Variants in SPIRE1 observed in about 807,000 individuals in gnomAD.
The protein encoded by SPIRE1 is spire type actin nucleation factor 1.
A neutral mutation model predicts 94.1 loss-of-function variants in SPIRE1; 40 were observed. The ratio of observed to expected loss-of-function variants is 0.43; its 90% CI spans 0.33 to 0.55. The LOEUF (loss-of-function observed/expected upper bound fraction) is 0.55. Ranked by LOEUF, SPIRE1 falls within the 20% of genes least tolerant of loss-of-function variation. The pLI, the probability that SPIRE1 is intolerant of heterozygous loss-of-function variation, is 0.06. For synonymous variants in SPIRE1, 376 were observed against 371.7 expected (o/e 1.01, Z -0.13); for missense variants, 838 against 975.2 (o/e 0.86, Z 1.87).
chr18:12,463,254 G>T, intron 12 of SPIRE1, 97 bp downstream of exon 12: 1 of 1,259,240 alleles, frequency 7.9e-7, no homozygotes, highest in Non-Finnish European at 1.1e-6. Flanking sequence ...TCTAACTTTT[G>T]CAAGTTTTTT....
chr18:12,559,187 G>GTGGGC lies in SPIRE1; in HGVS notation c.373-12284_373-12283insGCCCA, dbSNP rs2035611959. On this transcript the variant is annotated intron_variant, in intron 2 of 16. Transcript: ENST00000409402. The surrounding 1 kb of genome is among the most constrained non-coding windows in gnomAD (Gnocchi z 4.7). ...TTAGGAGCCCACGGGGTGGGGTGGG[G>GTGGGC]TGGGGGGGCGCCGGCATGGCAGGCT... 6.0e-5 allele frequency among the ~76,000 whole-genome samples: 9 copies of GTGGGC among 150,888 alleles called. No homozygotes were observed. The highest frequency in any genetic ancestry group is 5.9e-4 in the Admixed American group (9 of 15,218).
At position 12,526,056 on chromosome 18, in the gene SPIRE1, TAC is replaced by T. The variant is rs56263373; in HGVS notation, c.729+9418_729+9419del. ...CAGTCTAGGGTCAGAATACTGAAGA[TAC>T]ACACACACACACACACACACACACA... is the stretch of plus-strand genomic sequence containing the variant. On this transcript the variant is annotated intron_variant, in intron 4 of 16. Transcript: ENST00000409402. Among the ~76,000 whole-genome samples, 570 of 122,676 alleles carry T rather than the reference TAC, an allele frequency of 4.6e-3. 8 individuals carry two copies. Among genetic ancestry groups the T allele is most frequent in the African/African-American group, 9.4e-3 (291 of 30,994 alleles). 80.5% of individuals were successfully genotyped at this position (122,676 alleles called of 152,430 possible).
At chr18:12,466,328 G>C (rs12953774) in intron 10 of SPIRE1, among the ~76,000 whole-genome samples, 1 of 152,036 alleles carries the variant, frequency 6.6e-6, no homozygotes, top group Non-Finnish European at 1.5e-5. Flanking sequence ...CCAGGCTGGA[G>C]TGCAGTGGCA....
At chr18:12,487,951 T>A (rs1476642712) in intron 8 of SPIRE1, among the ~76,000 whole-genome samples, 1 of 152,148 alleles carries the variant, frequency 6.6e-6, no homozygotes, top group Admixed American at 6.5e-5. Context: ...AGAGAAAACA[T>A]CTTTCCTGTG....
chr18:12,451,533 A>G (rs1445836820), intron 16 of SPIRE1, among the ~76,000 whole-genome samples: 1 of 152,190 alleles, frequency 6.6e-6, no homozygotes, highest in Admixed American at 6.5e-5. Flanking sequence ...CTCACTGAAA[A>G]TTCACACCCA....
rs1236309099 is a variant in SPIRE1 at position 12,657,924 on chromosome 18, C to T, written c.-58G>A. 6 of 1,020,674 alleles carry T rather than the reference C, an allele frequency of 5.9e-6. 1 individual carries two copies. The highest frequency in any genetic ancestry group is 4.7e-4 in the Middle Eastern group (1 of 2,110). 63.2% of individuals were successfully genotyped at this position (1,020,674 alleles called of 1,614,324 possible). On this transcript the variant is annotated 5_prime_UTR_variant, in exon 1 of 17. Coordinates refer to ENST00000409402, the MANE Select transcript of SPIRE1 (RefSeq NM_001128626.2). The stretch of plus-strand genomic sequence containing the variant: ...CCGTGTGCCGGCGTCTCCTCAGCTC[C>T]GGAGCATCGTCGTCGCGCGCCGCCG...
At chr18:12,576,838 G>A (rs567552683) in intron 2 of SPIRE1, among the ~76,000 whole-genome samples, 24 of 145,364 alleles carry the variant, frequency 1.7e-4, no homozygotes, top group South Asian at 2.2e-4. Context: ...GCAGTGAGCC[G>A]AGATTGCGCC....
chr18:12,541,198 C>G (rs532354014), intron 3 of SPIRE1, among the ~76,000 whole-genome samples: 9 of 152,268 alleles, frequency 5.9e-5, no homozygotes, highest in Middle Eastern at 3.4e-3. Flanking sequence ...ACCATGGTAA[C>G]AGAACATTTC....
At chr18:12,523,265 T>C (rs2034414480) in intron 4 of SPIRE1, among the ~76,000 whole-genome samples, 1 of 152,232 alleles carries the variant, frequency 6.6e-6, no homozygotes, top group Non-Finnish European at 1.5e-5. Flanking sequence ...CCTGAATTAC[T>C]GCAATCTCAT....
At position 12,612,055 on chromosome 18, in the gene SPIRE1, C is replaced by T. The variant is rs528556635; in HGVS notation, c.372+23007G>A. ...TCAGTAACTTTTATTTATTCACTAT[C>T]TCTGATTTCTCTCCTCTCTTCTCTT... is the stretch of plus-strand genomic sequence containing the variant. On this transcript the variant is annotated intron_variant, in intron 2 of 16. Transcript: ENST00000409402. 3.9e-5 allele frequency among the ~76,000 whole-genome samples: 6 copies of T among 152,052 alleles called. No homozygotes were observed. In the South Asian group the frequency reaches 1.2e-3, roughly 32 times the overall value.
At chr18:12,451,816 A>T (rs897385960) in intron 16 of SPIRE1, among the ~76,000 whole-genome samples, 13 of 152,264 alleles carry the variant, frequency 8.5e-5, no homozygotes, top group African/African-American at 2.9e-4. Flanking sequence ...AGCTCTTGGC[A>T]TAAAGCTTTA....
chr18:12,631,875 C>A (rs7238546), intron 2 of SPIRE1, among the ~76,000 whole-genome samples: 59,146 of 151,760 alleles, frequency 0.39, 12,211 homozygotes, highest in East Asian at 0.6. Context: ...AAAAAATACA[C>A]ATAAAATAAA....
intron 2 of SPIRE1, among the ~76,000 whole-genome samples, chr18:12,608,516 C>T (rs888620208): frequency 6.6e-6 from 1 of 152,148 alleles, no homozygotes; most frequent in Admixed American, 6.5e-5. Context: ...GCTTCATTTT[C>T]CCACATATTC....
At chr18:12,633,689 A>G (rs2037841543) in intron 2 of SPIRE1, among the ~76,000 whole-genome samples, 2 of 152,216 alleles carry the variant, frequency 1.3e-5, no homozygotes, top group African/African-American at 2.4e-5. Context: ...TTCATTTAAA[A>G]CAACAGTTAA....
rs1165502392 is a variant in SPIRE1 at position 12,497,967 on chromosome 18, A to G, written c.973-1865T>C. 3.3e-5 allele frequency among the ~76,000 whole-genome samples: 5 copies of G among 152,182 alleles called. 1 individual carries two copies. The highest frequency in any genetic ancestry group is 2.0e-4 in the Admixed American group (3 of 15,274). ...GTCAGAAGCTGTATCCTGGGTCCCA[A>G]TTACAGATGTGGGACAATGCTCCTG... On this transcript the variant is annotated intron_variant, in intron 6 of 16. Transcript: ENST00000409402.
At chr18:12,449,936 A>G (rs2031144524) in intron 16 of SPIRE1, 40 bp from the exon 17 acceptor site, 6 of 1,588,614 alleles carry the variant, frequency 3.8e-6, no homozygotes, top group Non-Finnish European at 5.1e-6. Context: ...ATTGTTACTT[A>G]TAGGTCTGCT....
chr18:12,595,106 T>C (rs2036634677), intron 2 of SPIRE1, among the ~76,000 whole-genome samples: 1 of 152,240 alleles, frequency 6.6e-6, no homozygotes, highest in South Asian at 2.1e-4. Flanking sequence ...AGTGAGACCC[T>C]GTCTCTACCA....
intron 2 of SPIRE1, among the ~76,000 whole-genome samples, chr18:12,624,922 C>T (rs2037578374): frequency 6.6e-6 from 1 of 151,700 alleles, no homozygotes; most frequent in Non-Finnish European, 1.5e-5. Flanking sequence ...TATTATTTGT[C>T]TTCAGATATA....
intron 4 of SPIRE1, among the ~76,000 whole-genome samples, chr18:12,528,003 T>C (rs1014861312): frequency 6.6e-6 from 1 of 151,076 alleles, no homozygotes; most frequent in Admixed American, 6.6e-5. Context: ...GAGGTGGAGC[T>C]TGCAGATTGC....
Sources: gnomAD v4.1 joint callset for allele counts (sites outside exome capture counted in the v4.1 genomes callset) on GRCh38, gnomAD v4.1.1 for gene constraint, Gnocchi (gnomAD v3.1) non-coding constraint, MANE v1.5 for transcripts, NCBI Gene and HGNC (gene_info 2026-07-23, HGNC 2026-07-21) for gene names.